The following CENPP variants were observed in gnomAD, a reference collection of about 807,000 sequenced individuals.
CENPP encodes the protein centromere protein P.
CENPP carries 24 observed loss-of-function variants against 35.6 expected under a neutral mutation model. The ratio of observed to expected loss-of-function variants is 0.67; its 90% confidence interval spans 0.49 to 0.95. The LOEUF (loss-of-function observed/expected upper bound fraction) is 0.95. Among genes scored for constraint, CENPP ranks in the 40% least tolerant of loss-of-function variants. The pLI is 0.00. For missense variants in CENPP, 332 were observed against 345.3 expected, an observed-to-expected ratio of 0.96 and a Z score of 0.31; for synonymous variants, 120 against 125.5, an observed-to-expected ratio of 0.96 and a Z score of 0.29.
At chr9:92,380,762 TAC>T (rs1165314399) in intron 5 of CENPP, among the ~76,000 whole-genome samples, 1 of 152,196 alleles carries the variant, frequency 6.6e-6, no homozygotes, top group Admixed American at 6.5e-5. Context: ...AGTGTTATAA[TAC>T]AGTAATGACC....
chr9:92,474,999 GA>G, intron 5 of CENPP: 1 of 1,362,122 alleles, frequency 7.3e-7, no homozygotes, highest in Non-Finnish European at 9.6e-7. Context: ...GTTCTGGCAA[GA>G]GTGCAATGAA....
chr9:92,562,040 A>G (rs1360447307), intron 5 of CENPP, among the ~76,000 whole-genome samples: 2 of 152,202 alleles, frequency 1.3e-5, no homozygotes, highest in Non-Finnish European at 2.9e-5. Context: ...ATGTATTCAG[A>G]AGCCTTTAAG....
At chr9:92,407,565 C>T (rs1396025670) in intron 5 of CENPP, among the ~76,000 whole-genome samples, 2 of 152,178 alleles carry the variant, frequency 1.3e-5, no homozygotes, top group Non-Finnish European at 2.9e-5. Flanking sequence ...CTGTCTCATG[C>T]TCAAGAGCAG....
Position 92,602,833 on chromosome 9 carries a change from A to C in CENPP, c.565-8481A>C, listed in dbSNP as rs568102499. 1.4e-4 allele frequency among the ~76,000 whole-genome samples: 20 copies of C among 138,672 alleles called. No individual in the cohort carries two copies. The South Asian group carries it at 5.1e-3, about 36-fold the overall frequency. The allele number at this position is 138,672 out of a possible 152,430, so 91.0% of individuals were successfully genotyped here. On this transcript the variant is annotated intron_variant, in intron 5 of 7. Coordinates refer to ENST00000375587, the MANE Select transcript of CENPP (RefSeq NM_001012267.3). ...TAAATTCAAAATTACATTCAAATTA[A>C]ACTTTTTTTTTTTTTGGCGCAATTT...
intron 5 of CENPP, chr9:92,494,252 GC>G: frequency 1.7e-6 from 2 of 1,159,366 alleles, no homozygotes; most frequent in South Asian, 1.5e-5. Context: ...TTCAGTTTGA[GC>G]CCCCTTTAAT....
At chr9:92,328,918 G>C (rs1257684860) in intron 1 of CENPP, among the ~76,000 whole-genome samples, 1 of 152,124 alleles carries the variant, frequency 6.6e-6, no homozygotes, top group Non-Finnish European at 1.5e-5. Context: ...TTAAACACAT[G>C]CACATTGTTG....
intron 4 of CENPP, among the ~76,000 whole-genome samples, chr9:92,372,099 C>CTTTTTTTTTTTTTTTTTTT (rs71362382): frequency 2.5e-3 from 76 of 30,692 alleles, no homozygotes; most frequent in African/African-American, 3.5e-3. Flanking sequence ...TGCCAGCCAT[C>CTTTTTTTTTTTTTTTTTTT]TTTTTTTTTT....
At chr9:92,360,163 TA>T (rs1841707126) in intron 4 of CENPP, among the ~76,000 whole-genome samples, 1 of 152,236 alleles carries the variant, frequency 6.6e-6, no homozygotes, top group Admixed American at 6.5e-5. Flanking sequence ...GTTTTGGCTA[TA>T]TTTGTATTAT....
Position 92,466,298 on chromosome 9 carries a change from T to C in CENPP, c.564+86439T>C. 3.7e-6 allele frequency: 4 copies of C among 1,095,286 alleles called. No individual in the cohort carries two copies. In the South Asian group the frequency reaches 5.7e-5, roughly 16 times the overall value. The allele number at this position is 1,095,286 out of a possible 1,614,324, so 67.8% of individuals were successfully genotyped here. On this transcript the variant is annotated intron_variant, in intron 5 of 7. Coordinates refer to ENST00000375587, the MANE Select transcript of CENPP (RefSeq NM_001012267.3). ...ATTATTCTTAATAGTGACGATAAAG[T>C]GTTCTACATCTGCTTGTTTGTTATA...
chr9:92,554,843 G>A (rs1197848135), intron 5 of CENPP, among the ~76,000 whole-genome samples: 2 of 151,810 alleles, frequency 1.3e-5, no homozygotes, highest in Non-Finnish European at 2.9e-5. Flanking sequence ...TCACCATGTT[G>A]GCCAGGCTGG....
intron 4 of CENPP, among the ~76,000 whole-genome samples, chr9:92,351,149 T>C: frequency 6.6e-6 from 1 of 152,234 alleles, no homozygotes; most frequent in Admixed American, 6.5e-5. Flanking sequence ...TTCATTATGT[T>C]GTACAACCAT....
chr9:92,357,853 AT>A (rs34111227), intron 4 of CENPP, among the ~76,000 whole-genome samples: 62,782 of 149,432 alleles, frequency 0.42, 15,529 homozygotes, highest in African/African-American at 0.69. Flanking sequence ...TGGTTGACAG[AT>A]TTTTTTTTTT....
intron 5 of CENPP, among the ~76,000 whole-genome samples, chr9:92,594,638 T>C (rs1420001798): frequency 6.6e-6 from 1 of 152,212 alleles, no homozygotes; most frequent in Non-Finnish European, 1.5e-5. Flanking sequence ...CAGCTCTTGA[T>C]GTAATACAAA....
intron 5 of CENPP, among the ~76,000 whole-genome samples, chr9:92,475,198 A>C (rs777033722): frequency 5.9e-5 from 9 of 152,218 alleles, no homozygotes; most frequent in Admixed American, 2.6e-4. Flanking sequence ...GAATTATAAT[A>C]GCAGAAATAT....
At chr9:92,526,262 T>C (rs1173096777) in intron 5 of CENPP, among the ~76,000 whole-genome samples, 1 of 152,120 alleles carries the variant, frequency 6.6e-6, no homozygotes, top group Non-Finnish European at 1.5e-5. Flanking sequence ...AAAATAAAAA[T>C]AGAAAAAAGC....
chr9:92,572,254 T>A (rs560549294), intron 5 of CENPP, among the ~76,000 whole-genome samples: 96 of 152,206 alleles, frequency 6.3e-4, no homozygotes, highest in Non-Finnish European at 1.0e-3. Context: ...ATTTAGTGCT[T>A]CCTTCAGGAG....
intron 5 of CENPP, among the ~76,000 whole-genome samples, chr9:92,391,266 G>A (rs1318042593): frequency 6.6e-6 from 1 of 151,870 alleles, no homozygotes; most frequent in Admixed American, 6.6e-5. Context: ...AATTAGCCAG[G>A]CGTGGTGGCG....
At chr9:92,538,513 G>A (rs1849242400) in intron 5 of CENPP, among the ~76,000 whole-genome samples, 1 of 152,150 alleles carries the variant, frequency 6.6e-6, no homozygotes, top group African/African-American at 2.4e-5. Flanking sequence ...CAAAAAAGAA[G>A]TAACTCTTAA....
intron 5 of CENPP, among the ~76,000 whole-genome samples, chr9:92,413,600 G>T (rs1843505091): frequency 6.6e-6 from 1 of 152,034 alleles, no homozygotes; most frequent in African/African-American, 2.4e-5. Flanking sequence ...TTTAAAAATT[G>T]CAAGAAAAGG....
Sources: allele counts gnomAD v4.1 joint callset (sites outside exome capture counted in the v4.1 genomes callset), GRCh38; gene constraint gnomAD v4.1.1; transcripts MANE v1.5; gene names NCBI Gene and HGNC (gene_info 2026-07-23, HGNC 2026-07-21).